NELFA: variants seen among roughly 807,000 people sequenced by gnomAD.
NELFA encodes negative elongation factor complex member A, also known as negative elongation factor A.
Under a neutral mutation model 51.8 loss-of-function variants are expected in NELFA, and 35 were observed. The ratio of observed to expected loss-of-function variants is 0.68; its 90% CI spans 0.52 to 0.90. The LOEUF (loss-of-function observed/expected upper bound fraction) is 0.90, where lower values mean the gene tolerates loss of function less well. Ranked by LOEUF, NELFA falls within the 40% of genes least tolerant of loss-of-function variation. NELFA has a pLI of 0.00. For missense variants in NELFA, 658 were observed against 746.4 expected (o/e 0.88, Z 1.38); for synonymous variants, 417 against 338.4 (o/e 1.23, Z -2.55).
chr4:2,001,923 A>G (rs1304489601), intron 1 of NELFA, among the ~76,000 whole-genome samples: 24 of 140,348 alleles, frequency 1.7e-4, no homozygotes, highest in Admixed American at 1.6e-3. Flanking sequence ...AAAAAAGGCC[A>G]GGCACGGTGG....
At position 2,001,674 on chromosome 4, in the gene NELFA, A is replaced by G. The variant is rs538583251; in HGVS notation, c.210+7076T>C. Among the ~76,000 whole-genome samples the G allele has an allele frequency of 1.2e-3, 186 of 152,022 alleles. 2 individuals are homozygous for G. The highest frequency in any genetic ancestry group is 3.9e-3 in the African/African-American group (162 of 41,484). Reference sequence around the variant, plus strand: ...TCCCAGCACTTTGGGAGGCTGAGGCAGGCAGATTACCTGAGGTCAGGAGTT... The same window carrying G: ...TCCCAGCACTTTGGGAGGCTGAGGCGGGCAGATTACCTGAGGTCAGGAGTT... On this transcript the variant is annotated intron_variant, in intron 1 of 10. Coordinates refer to ENST00000382882, the MANE Select transcript of NELFA (RefSeq NM_005663.5).
At chr4:1,992,275 A>G in intron 1 of NELFA, 1 of 242,240 alleles carries the variant, frequency 4.1e-6, no homozygotes, top group Non-Finnish European at 8.3e-6. Flanking sequence ...CTGGGTCTGG[A>G]CGGCGCTGGG....
At chr4:1,985,917 G>T in intron 6 of NELFA, 53 bp from the exon 7 acceptor site, 2 of 1,482,344 alleles carry the variant, frequency 1.3e-6, no homozygotes, top group Non-Finnish European at 1.8e-6. Context: ...TGCAGTGTCA[G>T]CTCAGGGCAG....
At chr4:2,007,636 T>C (rs865914701) in intron 1 of NELFA, among the ~76,000 whole-genome samples, 1 of 152,112 alleles carries the variant, frequency 6.6e-6, no homozygotes, top group African/African-American at 2.4e-5. Flanking sequence ...AATGATTACC[T>C]TTCCAAAATG....
Position 1,999,288 on chromosome 4 carries a change from C to T in NELFA, c.211-7573G>A, listed in dbSNP as rs143291101. Among the ~76,000 whole-genome samples the T allele has an allele frequency of 2.6e-5, 4 of 151,540 alleles. No homozygotes were observed. The East Asian group carries it at 7.8e-4, about 29-fold the overall frequency. ...TCATGATTACAGGACCGAATTCACA[C>T]ATAACAATATTAACCTTCAATGTAA... On this transcript the variant is annotated intron_variant, in intron 1 of 10. Transcript: ENST00000382882.
rs1399040175 is a variant in NELFA, at chr4:1,989,032, G to A, written c.544+676C>T. Among the ~76,000 whole-genome samples, 3 of 147,006 alleles carry A rather than the reference G, an allele frequency of 2.0e-5. No homozygotes were observed. The highest frequency in any genetic ancestry group is 7.0e-5 in the Admixed American group (1 of 14,288). ...GCAATCTTGGCTCACTGCAACCTCC[G>A]CCTCCCAGGTTCAAGTGATTCTCTT... On this transcript the variant is annotated intron_variant, in intron 3 of 10. Transcript: ENST00000382882. This position sits in a 1 kb window ranked among gnomAD's most constrained non-coding sequence, Gnocchi z 4.8.
chr4:1,997,095 C>T (rs1314543594), intron 1 of NELFA, among the ~76,000 whole-genome samples: 2 of 152,058 alleles, frequency 1.3e-5, no homozygotes, highest in African/African-American at 4.8e-5. Flanking sequence ...GCCTGAGTGA[C>T]AGTGACACTA....
At chr4:1,993,082 G>A (rs1251381876) in intron 1 of NELFA, among the ~76,000 whole-genome samples, 1 of 152,254 alleles carries the variant, frequency 6.6e-6, no homozygotes, top group African/African-American at 2.4e-5. Flanking sequence ...GCTGTTTCCA[G>A]CCAGTGCGGC....
In NELFA at chr4:1,983,295, C is replaced by G. The variant is rs138343780; in HGVS notation, c.*24G>C. On this transcript the variant is annotated 3_prime_UTR_variant, in exon 11 of 11. Transcript: ENST00000382882. ...TCGTCCCGTGGACCCCCACAAGTGA[C>G]GGCCAGCTGTGAGGCAGGTGGTTCT... 13 of 1,597,270 alleles carry G rather than the reference C, an allele frequency of 8.1e-6. No individual in the cohort carries two copies. Among genetic ancestry groups the G allele is most frequent in the Non-Finnish European group, 8.6e-6 (10 of 1,168,012 alleles).
intron 9 of NELFA, 56 bp from the exon 10 acceptor site, chr4:1,983,751 T>C: frequency 6.2e-7 from 1 of 1,600,764 alleles, no homozygotes; most frequent in Non-Finnish European, 8.5e-7. Context: ...ACCTCCTGCA[T>C]CCCCCTGCAG....
At chr4:1,988,084 G>T in intron 3 of NELFA, 77 bp from the exon 4 acceptor site, 1 of 1,273,730 alleles carries the variant, frequency 7.9e-7, no homozygotes, top group Non-Finnish European at 1.1e-6. Flanking sequence ...TCTCTGTCAA[G>T]TGGATTCATC....
intron 1 of NELFA, chr4:1,992,573 C>CGCCCT (rs1372425360): frequency 3.4e-6 from 1 of 292,320 alleles, no homozygotes; most frequent in Non-Finnish European, 7.1e-6. Flanking sequence ...TGAACAACAG[C>CGCCCT]GCCCTGCCCT....
chr4:2,003,267 T>C (rs1018013110), intron 1 of NELFA, among the ~76,000 whole-genome samples: 3 of 152,238 alleles, frequency 2.0e-5, no homozygotes, highest in Non-Finnish European at 4.4e-5. Flanking sequence ...GGAAGGCTTT[T>C]ACACTTTTGC....
intron 1 of NELFA, among the ~76,000 whole-genome samples, chr4:1,993,332 C>T (rs1436890618): frequency 6.6e-6 from 1 of 152,092 alleles, no homozygotes; most frequent in African/African-American, 2.4e-5. Context: ...CTGTAGACCC[C>T]GCACTTCGGC....
chr4:1,999,833 C>T (rs1454401247), intron 1 of NELFA, among the ~76,000 whole-genome samples: 2 of 152,190 alleles, frequency 1.3e-5, no homozygotes. Flanking sequence ...ACAGAATATA[C>T]ATTCTTCTCA....
chr4:1,986,715 C>T (rs530931343), intron 4 of NELFA, among the ~76,000 whole-genome samples: 48 of 152,334 alleles, frequency 3.2e-4, no homozygotes, highest in African/African-American at 1.0e-3. Flanking sequence ...GTGCCTCCAC[C>T]GGCAGGGGCA....
chr4:1,983,329 T>C lies in NELFA; in HGVS notation c.1577A>G (p.Asn526Ser), dbSNP rs765522511. 8 of 1,613,854 alleles carry C rather than the reference T, an allele frequency of 5.0e-6. No individual in the cohort carries two copies. The highest frequency in any genetic ancestry group is 4.0e-5 in the African/African-American group (3 of 74,922). ...TRFKKYKPMT[N>S]VS ...GTGAGGCAGGTGGTTCTAGGACACA[T>C]TGGTCATGGGCTTGTACTTCTTGAA... Residue 526 changes from asparagine to serine, a missense_variant, in exon 11 of 11, where the codon AAT (asparagine) becomes AGT (serine). Transcript: ENST00000382882.
intron 1 of NELFA, chr4:1,992,048 C>T (rs1728286353): frequency 4.0e-6 from 1 of 250,944 alleles, no homozygotes; most frequent in South Asian, 5.7e-5. Context: ...AAGCCGGGGC[C>T]ACCACTGCTC....
chr4:1,989,721 C>T lies in NELFA; in HGVS notation c.531G>A (p.Glu177=). The change falls in exon 3 of 11, where the codon GAG becomes GAA. Residue 177 remains glutamate (E), a synonymous_variant. Transcript: ENST00000382882. The surrounding 1 kb of genome is among the most constrained non-coding windows in gnomAD (Gnocchi z 4.8). The part of the protein sequence containing the change: ...RKPKSATLRA[E]LLQKSTETAQ... Reference sequence around the variant, plus strand: ...GCGGCCACTCACACTTCTGCAGCAGCTCCGCCCGCAGCGTGGCGCTCTTGG... The same window carrying T: ...GCGGCCACTCACACTTCTGCAGCAGTTCCGCCCGCAGCGTGGCGCTCTTGG... 1.2e-6 allele frequency: 2 copies of T among 1,613,772 alleles called. No individual in the cohort carries two copies. The highest frequency in any genetic ancestry group is 1.7e-6 in the Non-Finnish European group (2 of 1,179,914).
Sources: gnomAD v4.1 joint callset for allele counts (sites outside exome capture counted in the v4.1 genomes callset) on GRCh38, gnomAD v4.1.1 for gene constraint, Gnocchi (gnomAD v3.1) non-coding constraint, MANE v1.5 for transcripts, NCBI Gene and HGNC (gene_info 2026-07-23, HGNC 2026-07-21) for gene names.